Variants in ZFP62 observed in about 807,000 individuals in gnomAD.
The protein encoded by ZFP62 is ZFP62 zinc finger protein.
ZFP62 carries 44 observed loss-of-function variants against 56.4 expected under a neutral mutation model. That is an observed-to-expected ratio of 0.78 (90% confidence interval 0.61 to 1.00). The LOEUF (loss-of-function observed/expected upper bound fraction) is 1.00, where lower values mean the gene tolerates loss of function less well. Ranked by LOEUF, ZFP62 falls within the 50% of genes least tolerant of loss-of-function variation. The pLI, the probability that ZFP62 is intolerant of heterozygous loss-of-function variation, is 0.00. For missense variants in ZFP62, 1,030 were observed against 1,085.7 expected (o/e 0.95, Z 0.72); for synonymous variants, 421 against 388.9 (o/e 1.08, Z -0.97).
rs1773587876 is a variant in ZFP62, at chr5:180,849,777, A to C, written c.1718T>G (p.Leu573Arg). 1 of 1,551,236 alleles carries C rather than the reference A, an allele frequency of 6.4e-7. No individual in the cohort carries two copies. The highest frequency in any genetic ancestry group is 8.7e-7 in the Non-Finnish European group (1 of 1,146,954). Reference protein sequence around the residue: ...CEECGKAYISLSSLINHKSVH... With the variant: ...CEECGKAYISRSSLINHKSVH... Reference sequence around the variant, plus strand: ...ACTTTTATGATTTATAAGGCTCGAGAGAGAGATGTATGCTTTCCCACATTC... The same window carrying C: ...ACTTTTATGATTTATAAGGCTCGAGCGAGAGATGTATGCTTTCCCACATTC... Residue 573 changes from leucine to arginine, a missense_variant, in exon 2 of 2, where the codon CTC (leucine) becomes CGC (arginine). Leu to Arg is a moderately radical substitution (Grantham distance 102). Transcript: ENST00000502412.
intron 1 of ZFP62, chr5:180,852,111 C>G: frequency 1.3e-6 from 1 of 797,110 alleles, no homozygotes; most frequent in Non-Finnish European, 1.5e-6. Flanking sequence ...TAGTATGGTC[C>G]TGGTACATAG....
chr5:180,855,840 C>T (rs1773939646), intron 1 of ZFP62, among the ~76,000 whole-genome samples: 1 of 152,166 alleles, frequency 6.6e-6, no homozygotes, highest in African/African-American at 2.4e-5. Context: ...ACTCTTATCC[C>T]TGCCCAATTC....
chr5:180,831,603 A>AGCAGGGGGCGGGGAC, the ZFP62 span: 1 of 152,676 alleles, frequency 6.5e-6, no homozygotes, highest in Non-Finnish European at 1.5e-5. Context: ...AGAGAGGCCC[A>AGCAGGGGGCGGGGAC]GCAGGGGGCG....
chr5:180,852,567 A>AAAT (rs1773770240), intron 1 of ZFP62, among the ~76,000 whole-genome samples: 1 of 152,008 alleles, frequency 6.6e-6, no homozygotes, highest in African/African-American at 2.4e-5. Flanking sequence ...AAAAAAAAAA[A>AAAT]AAAAAAGATA....
chr5:180,843,487 G>A (rs542590035), downstream of ZFP62, among the ~76,000 whole-genome samples: 26 of 152,156 alleles, frequency 1.7e-4, no homozygotes, highest in Non-Finnish European at 2.8e-4. Context: ...AAGCGTGAAA[G>A]TAAAGAAAGA....
the ZFP62 span, among the ~76,000 whole-genome samples, chr5:180,828,277 T>C: frequency 6.6e-6 from 1 of 152,160 alleles, no homozygotes; most frequent in African/African-American, 2.4e-5. Flanking sequence ...GATTACTAAA[T>C]GGAAGAAAGG....
chr5:180,830,568 T>C, the ZFP62 span: 3 of 152,284 alleles, frequency 2.0e-5, no homozygotes, highest in Non-Finnish European at 4.4e-5. Flanking sequence ...CAGTCATCAT[T>C]CTCATTTACT....
chr5:180,860,484 C>G (rs1317081638), intron 1 of ZFP62: 1 of 152,106 alleles, frequency 6.6e-6, no homozygotes, highest in Non-Finnish European at 1.5e-5. Flanking sequence ...TTCCCGCAGG[C>G]TGTCCCCTGG....
Position 180,861,227 on chromosome 5 carries a change from G to C in ZFP62, c.-8C>G, listed in dbSNP as rs888064043. 3.5e-5 allele frequency: 14 copies of C among 398,028 alleles called. No individual in the cohort carries two copies. The highest frequency in any genetic ancestry group is 5.3e-5 in the Non-Finnish European group (12 of 225,712). 24.7% of individuals were successfully genotyped at this position (398,028 alleles called of 1,614,324 possible). On this transcript the variant is annotated 5_prime_UTR_variant, in exon 1 of 2. Transcript: ENST00000502412. ...GCCGCGGACTCACGTACTGGCTGTG[G>C]CGGCGCCGCGGGAACCCGGCCGCCA...
intron 1 of ZFP62, among the ~76,000 whole-genome samples, chr5:180,857,059 A>G (rs914140647): frequency 2.0e-5 from 3 of 151,686 alleles, no homozygotes; most frequent in Non-Finnish European, 4.4e-5. Context: ...CCAAGGGAAG[A>G]GCAGGTACAG....
the ZFP62 span, among the ~76,000 whole-genome samples, chr5:180,833,672 A>AT: frequency 6.3e-3 from 868 of 138,416 alleles, 9 homozygotes; most frequent in African/African-American, 0.015. Context: ...ATGACACGGT[A>AT]TTTTTTTTTT....
Position 180,850,326 on chromosome 5 carries a change from T to C in ZFP62, c.1169A>G (p.Glu390Gly). 4 of 1,570,468 alleles carry C rather than the reference T, an allele frequency of 2.5e-6. No individual in the cohort carries two copies. Among genetic ancestry groups the C allele is most frequent in the Non-Finnish European group, 3.5e-6 (4 of 1,157,838 alleles). The change falls in exon 2 of 2, where the codon GAG becomes GGG. Residue 390 changes from glutamate (E) to glycine (G), a missense_variant. Physicochemically the swap from Glu to Gly is moderately conservative, Grantham distance 98 (BLOSUM62 -2). Coordinates refer to ENST00000502412, the MANE Select transcript of ZFP62 (RefSeq NM_001172638.2). ...ACAGACATCACACTTGTAAGGTTTCTCTCCTGTGTGGATCCTTTTATGCAC... is the reference window on the plus strand; with the variant it reads ...ACAGACATCACACTTGTAAGGTTTCCCTCCTGTGTGGATCCTTTTATGCAC... ...LIVHKRIHTG[E>G]KPYKCDVCGK...
the ZFP62 span, among the ~76,000 whole-genome samples, chr5:180,840,962 C>T: frequency 4.6e-5 from 7 of 151,980 alleles, no homozygotes; most frequent in African/African-American, 1.5e-4. Flanking sequence ...AAAAGAAGGA[C>T]GCTGGAACCT....
At chr5:180,838,365 CATG>C in the ZFP62 span, among the ~76,000 whole-genome samples, 61 of 152,192 alleles carry the variant, frequency 4.0e-4, no homozygotes, top group Admixed American at 1.6e-3. Context: ...TTTGAAAAGT[CATG>C]AAAGTTGAGG....
At chr5:180,852,959 G>A (rs1299495450) in intron 1 of ZFP62, among the ~76,000 whole-genome samples, 52 of 152,330 alleles carry the variant, frequency 3.4e-4, no homozygotes, top group Non-Finnish European at 2.2e-4. Flanking sequence ...AGGCTGTGGA[G>A]GAAACAGGCA....
chr5:180,841,289 A>G, the ZFP62 span, among the ~76,000 whole-genome samples: 1 of 139,694 alleles, frequency 7.2e-6, no homozygotes, highest in Non-Finnish European at 1.5e-5. Flanking sequence ...ACATACATAT[A>G]TATACATACA....
At chr5:180,847,486 G>T (rs2113667171), downstream of ZFP62, 1 of 650,116 alleles carries the variant, frequency 1.5e-6, no homozygotes, top group Non-Finnish European at 1.9e-6. Flanking sequence ...GGTGAAACCA[G>T]CTGAGCTGCT....
At chr5:180,857,468 C>T (rs887636553) in intron 1 of ZFP62, among the ~76,000 whole-genome samples, 3 of 152,094 alleles carry the variant, frequency 2.0e-5, no homozygotes, top group African/African-American at 4.8e-5. Context: ...GGTATAATAA[C>T]GGCATTGTGG....
the ZFP62 span, among the ~76,000 whole-genome samples, chr5:180,828,818 T>C: frequency 5.9e-5 from 9 of 152,180 alleles, no homozygotes; most frequent in African/African-American, 1.7e-4. Flanking sequence ...AGAGAGCCTA[T>C]AAATGGACGT....
Sources: allele counts gnomAD v4.1 joint callset (sites outside exome capture counted in the v4.1 genomes callset), GRCh38; gene constraint gnomAD v4.1.1; transcripts MANE v1.5; gene names NCBI Gene and HGNC (gene_info 2026-07-23, HGNC 2026-07-21).